The following ATP6V0A2 variants were observed in gnomAD, a reference collection of about 807,000 sequenced individuals.
The protein encoded by ATP6V0A2 is ATPase H+ transporting V0 subunit a2, also known as V-type proton ATPase 116 kDa subunit a 2.
A neutral mutation model predicts 104.4 loss-of-function variants in ATP6V0A2; 58 were observed. The observed-to-expected ratio is 0.56, with a 90% CI of 0.45 to 0.69. ATP6V0A2 has a LOEUF of 0.69. Among genes scored for constraint, ATP6V0A2 ranks in the 30% least tolerant of loss-of-function variants. The pLI is 0.00. For missense variants in ATP6V0A2, 938 were observed against 1,062.9 expected (o/e 0.88, Z 1.63); for synonymous variants, 376 against 397.9 (o/e 0.95, Z 0.65).
rs78988039 is a variant in ATP6V0A2 at position 123,721,601 on chromosome 12, G to T, written c.197-750G>T. On this transcript the variant is annotated intron_variant, in intron 2 of 19. Coordinates refer to ENST00000330342, the MANE Select transcript of ATP6V0A2 (RefSeq NM_012463.4). ...TGTGTCCAGAGTAGTGTCCGGCCAC[G>T]ACTGGCACCATTTTCCCAGGTTTCA... is the stretch of plus-strand genomic sequence containing the variant. The T allele has an allele frequency of 6.9e-3, 1,458 of 212,570 alleles. 26 individuals carry two copies. The highest frequency in any genetic ancestry group is 0.031 in the African/African-American group (1,359 of 43,412). 13.2% of individuals were successfully genotyped at this position (212,570 alleles called of 1,614,324 possible).
rs1446037583 is a variant in ATP6V0A2, at chr12:123,737,258, TGGA to T, written c.1031_1033del (p.Glu344del). Reference sequence around the variant, plus strand: ...GATCTGCAGGACCTGCGCCGGGCACTGGAGGAGGGCTCGGTAAGGCTGCCTTCC... The same window carrying T: ...GATCTGCAGGACCTGCGCCGGGCACTGGAGGGCTCGGTAAGGCTGCCTTCC... On this transcript the variant is annotated inframe_deletion, in exon 9 of 20. Coordinates refer to ENST00000330342, the MANE Select transcript of ATP6V0A2 (RefSeq NM_012463.4). 1 of 1,614,096 alleles carries T rather than the reference TGGA, an allele frequency of 6.2e-7. No homozygotes were observed.
chr12:123,717,458 T>C (rs1246015096), intron 1 of ATP6V0A2, among the ~76,000 whole-genome samples: 1 of 151,416 alleles, frequency 6.6e-6, no homozygotes, highest in East Asian at 1.9e-4. Flanking sequence ...TTTTTTTTTT[T>C]TTTTGAGACA....
chr12:123,742,107 GT>G (rs1423518451), intron 9 of ATP6V0A2, among the ~76,000 whole-genome samples: 1 of 152,222 alleles, frequency 6.6e-6, no homozygotes, highest in Non-Finnish European at 1.5e-5. Flanking sequence ...AGTGCCGTGA[GT>G]TTAGGGACTG....
chr12:123,755,925 C>T (rs913762872), intron 18 of ATP6V0A2, among the ~76,000 whole-genome samples: 12 of 150,724 alleles, frequency 8.0e-5, no homozygotes, highest in Admixed American at 6.6e-4. Context: ...ACTAAAAATA[C>T]AAAAAATTAG....
At chr12:123,729,057 C>T (rs1300055890) in intron 6 of ATP6V0A2, among the ~76,000 whole-genome samples, 1 of 152,194 alleles carries the variant, frequency 6.6e-6, no homozygotes, top group Non-Finnish European at 1.5e-5. Flanking sequence ...GTGTTTGAAA[C>T]TGTAAATATC....
chr12:123,717,443 TTTC>T (rs1271165482), intron 1 of ATP6V0A2, among the ~76,000 whole-genome samples: 61 of 100,550 alleles, frequency 6.1e-4, no homozygotes, highest in Middle Eastern at 5.0e-3. Context: ...CTTTTCTTTC[TTTC>T]TTTTTTTTTT....
At chr12:123,735,011 G>C (rs1381052163) in intron 7 of ATP6V0A2, among the ~76,000 whole-genome samples, 1 of 152,168 alleles carries the variant, frequency 6.6e-6, no homozygotes, top group Non-Finnish European at 1.5e-5. Context: ...GGTGGTCCGG[G>C]AATGGCTGCA....
Position 123,760,810 on chromosome 12 carries a change from G to A in ATP6V0A2, c.*2778G>A, listed in dbSNP as rs1305269045. 1.3e-5 allele frequency: 2 copies of A among 152,178 alleles called. No individual in the cohort carries two copies. The highest frequency in any genetic ancestry group is 6.5e-5 in the Admixed American group (1 of 15,270). 9.4% of individuals were successfully genotyped at this position (152,178 alleles called of 1,614,324 possible). A position where few individuals can be genotyped will look rare whatever the true frequency, so the allele number is the denominator to read the frequency against. ...GGACTTTCCAGCAGCGAAAGGACTT[G>A]GAACTCCTCTTTCGCTGAATGCTGC... On this transcript the variant is annotated 3_prime_UTR_variant, in exon 20 of 20. Transcript: ENST00000330342.
At chr12:123,757,123 C>A in intron 19 of ATP6V0A2, 137 bp downstream of exon 19, 3 of 1,012,438 alleles carry the variant, frequency 3.0e-6, no homozygotes, top group Non-Finnish European at 3.0e-6. Context: ...CCCTTGGGAT[C>A]TGTGTTCATA....
chr12:123,722,552 A>G (rs960805597), intron 3 of ATP6V0A2, 104 bp downstream of exon 3: 28 of 742,306 alleles, frequency 3.8e-5, no homozygotes, highest in Middle Eastern at 2.3e-4. Flanking sequence ...TCTCAAAACT[A>G]TGGAAGATGG....
chr12:123,714,822 C>A (rs1956324851), intron 1 of ATP6V0A2, among the ~76,000 whole-genome samples: 1 of 152,162 alleles, frequency 6.6e-6, no homozygotes, highest in Non-Finnish European at 1.5e-5. Flanking sequence ...TGGTTCACGT[C>A]TGTAATCCCA....
rs912044452 is a variant in ATP6V0A2 at position 123,750,917 on chromosome 12, T to C, written c.1936-193T>C. The C allele has an allele frequency of 1.2e-5, 8 of 662,212 alleles. No individual in the cohort carries two copies. In the African/African-American group the frequency reaches 1.4e-4, roughly 12 times the overall value. The allele number at this position is 662,212 out of a possible 1,614,324, so 41.0% of individuals were successfully genotyped here. On this transcript the variant is annotated intron_variant, in intron 15 of 19. Transcript: ENST00000330342. ...ATACTTTACCACAGGGTCATTAATG[T>C]TATTCATCAGTTCTAGAATTCAGCT...
intron 9 of ATP6V0A2, among the ~76,000 whole-genome samples, chr12:123,743,188 G>T (rs1051504404): frequency 6.6e-6 from 1 of 152,100 alleles, no homozygotes; most frequent in Non-Finnish European, 1.5e-5. Flanking sequence ...CACTTCCGGC[G>T]CATTCAGTCC....
Position 123,747,065 on chromosome 12 carries a change from C to T in ATP6V0A2, c.1606-542C>T, listed in dbSNP as rs184817668. ...GGAAGTTACGGGGACTCAGACTGGCCGGGGCACCGTGGGGAGGTCAGCCAT... is the reference window on the plus strand; with the variant it reads ...GGAAGTTACGGGGACTCAGACTGGCTGGGGCACCGTGGGGAGGTCAGCCAT... On this transcript the variant is annotated intron_variant, in intron 13 of 19. Coordinates refer to ENST00000330342, the MANE Select transcript of ATP6V0A2 (RefSeq NM_012463.4). Among the ~76,000 whole-genome samples the T allele has an allele frequency of 5.6e-3, 859 of 152,260 alleles. 5 individuals are homozygous for T. The highest frequency in any genetic ancestry group is 0.02 in the Middle Eastern group (6 of 294).
At chr12:123,756,724 G>T in intron 18 of ATP6V0A2, 91 bp from the exon 19 acceptor site, 1 of 1,362,850 alleles carries the variant, frequency 7.3e-7, no homozygotes. Context: ...ATAGTTCAGG[G>T]CCGTCAGGGG....
chr12:123,744,247 T>C lies in ATP6V0A2; in HGVS notation c.1236T>C (p.Phe412=), dbSNP rs758005543. Residue 412 remains phenylalanine (F), a synonymous_variant, in exon 11 of 20, where the codon TTT becomes TTC. Coordinates refer to ENST00000330342, the MANE Select transcript of ATP6V0A2 (RefSeq NM_012463.4). This position sits in a 1 kb window ranked among gnomAD's most constrained non-coding sequence, Gnocchi z 5.4. Reference sequence around the variant, plus strand: ...TCCCGTTTTTATTTGCTGTGATGTTTGGAGACTTCGGACATGGCTTTGTGA... The same window carrying C: ...TCCCGTTTTTATTTGCTGTGATGTTCGGAGACTTCGGACATGGCTTTGTGA... ...ITFPFLFAVM[F]GDFGHGFVMF... is the part of the protein sequence containing the mutation. The C allele has an allele frequency of 9.9e-6, 16 of 1,614,238 alleles. No homozygotes were observed. In the South Asian group the frequency reaches 1.6e-4, roughly 17 times the overall value.
intron 1 of ATP6V0A2, among the ~76,000 whole-genome samples, chr12:123,717,765 C>CTG (rs1346459884): frequency 2.0e-5 from 3 of 152,146 alleles, no homozygotes; most frequent in Non-Finnish European, 2.9e-5. Flanking sequence ...AACTACGCTA[C>CTG]TGTAATTTCT....
chr12:123,741,670 C>T (rs542309591), intron 9 of ATP6V0A2, among the ~76,000 whole-genome samples: 59 of 152,084 alleles, frequency 3.9e-4, no homozygotes, highest in African/African-American at 1.4e-3. Context: ...CTACAAAAGA[C>T]GGTGTCTGGT....
intron 1 of ATP6V0A2, among the ~76,000 whole-genome samples, chr12:123,717,935 CT>C (rs1259139804): frequency 6.6e-6 from 1 of 151,206 alleles, no homozygotes; most frequent in Non-Finnish European, 1.5e-5. Flanking sequence ...AGGATTTTTT[CT>C]TTTTTTGACC....
Sources: gnomAD v4.1 joint callset for allele counts (sites outside exome capture counted in the v4.1 genomes callset) on GRCh38, gnomAD v4.1.1 for gene constraint, Gnocchi (gnomAD v3.1) non-coding constraint, MANE v1.5 for transcripts, NCBI Gene and HGNC (gene_info 2026-07-23, HGNC 2026-07-21) for gene names.